SOX6: variants seen among roughly 807,000 people sequenced by gnomAD.
SOX6 encodes transcription factor SOX-6.
SOX6 carries 11 observed loss-of-function variants against 97.8 expected under a neutral mutation model. That is an observed-to-expected ratio of 0.11 (90% CI 0.07 to 0.19). The LOEUF (loss-of-function observed/expected upper bound fraction) is 0.19. Ranked by LOEUF, SOX6 falls within the 10% of genes least tolerant of loss-of-function variation. The pLI is 1.00. For missense variants in SOX6, 810 were observed against 1,039.5 expected (o/e 0.78, Z 3.04); for synonymous variants, 360 against 371.4 (o/e 0.97, Z 0.35).
At chr11:16,010,009 G>C (rs529461956) in intron 13 of SOX6, among the ~76,000 whole-genome samples, 3 of 151,862 alleles carry the variant, frequency 2.0e-5, no homozygotes, top group Non-Finnish European at 4.4e-5. Flanking sequence ...ATATTAAGCG[G>C]TGTGTTTTAA....
At chr11:16,163,099 T>A in intron 6 of SOX6, among the ~76,000 whole-genome samples, 1 of 149,158 alleles carries the variant, frequency 6.7e-6, no homozygotes, top group South Asian at 2.1e-4. Flanking sequence ...CAGATAAGAG[T>A]ATGAAAAAAG....
chr11:16,232,171 T>A (rs1852873487), intron 4 of SOX6, among the ~76,000 whole-genome samples: 1 of 151,772 alleles, frequency 6.6e-6, no homozygotes, highest in South Asian at 2.1e-4. Flanking sequence ...TTCAGGAAAA[T>A]GAGAAGTAAT....
chr11:16,262,073 A>G (rs1032079396), intron 3 of SOX6, among the ~76,000 whole-genome samples: 1 of 152,048 alleles, frequency 6.6e-6, no homozygotes, highest in African/African-American at 2.4e-5. Flanking sequence ...CTTGATGATG[A>G]ACTTGATGTT....
chr11:16,514,943 T>A (rs537259406), intron 4 of SOX6, among the ~76,000 whole-genome samples: 1 of 151,904 alleles, frequency 6.6e-6, no homozygotes, highest in African/African-American at 2.4e-5. Context: ...ATCCAGTCTA[T>A]CATTGTTGGA....
chr11:16,734,194 C>A (rs142219813), intron 2 of SOX6, among the ~76,000 whole-genome samples: 3 of 151,962 alleles, frequency 2.0e-5, no homozygotes, highest in African/African-American at 7.3e-5. Context: ...ATCACAGTAG[C>A]ACTCTGACAA....
intron 3 of SOX6, among the ~76,000 whole-genome samples, chr11:16,269,038 T>A (rs150937918): frequency 8.2e-4 from 121 of 148,278 alleles, no homozygotes; most frequent in African/African-American, 2.9e-3. Flanking sequence ...ATATATTGCT[T>A]TTTTTTTTAA....
intron 6 of SOX6, among the ~76,000 whole-genome samples, chr11:16,118,126 TGC>T (rs1375986924): frequency 6.6e-6 from 1 of 152,242 alleles, no homozygotes; most frequent in African/African-American, 2.4e-5. Flanking sequence ...TTATTTTTAT[TGC>T]TTTGAAAGTA....
At chr11:16,575,828 C>G (rs1847981449) in intron 4 of SOX6, among the ~76,000 whole-genome samples, 1 of 152,144 alleles carries the variant, frequency 6.6e-6, no homozygotes, top group Admixed American at 6.5e-5. Context: ...GGGAAAATAA[C>G]AGTGATTTCA....
intron 6 of SOX6, among the ~76,000 whole-genome samples, chr11:16,120,828 A>G (rs1849471420): frequency 6.6e-6 from 1 of 152,136 alleles, no homozygotes; most frequent in Admixed American, 6.6e-5. Flanking sequence ...TGGTGCTTTA[A>G]GATAACTATT....
intron 4 of SOX6, among the ~76,000 whole-genome samples, chr11:16,198,967 G>A (rs1825160023): frequency 1.3e-5 from 2 of 152,106 alleles, no homozygotes; most frequent in South Asian, 4.1e-4. Flanking sequence ...CTCCTTAAGG[G>A]GAGGATCTGT....
chr11:16,234,307 T>G (rs955337803), intron 4 of SOX6, among the ~76,000 whole-genome samples: 2 of 152,172 alleles, frequency 1.3e-5, no homozygotes, highest in Non-Finnish European at 1.5e-5. Context: ...TCTTTTAACA[T>G]AAGGTTTTTA....
chr11:15,988,873 T>G, intron 14 of SOX6, 124 bp downstream of exon 14: 1 of 931,920 alleles, frequency 1.1e-6, no homozygotes, highest in Non-Finnish European at 1.7e-6. Context: ...TGGCTGACCT[T>G]CGTCTAACTT....
At chr11:16,350,971 C>T (rs970670512) in intron 1 of SOX6, among the ~76,000 whole-genome samples, 1 of 152,068 alleles carries the variant, frequency 6.6e-6, no homozygotes, top group Non-Finnish European at 1.5e-5. Context: ...GAAAATACCA[C>T]TCCATGTTAA....
intron 1 of SOX6, among the ~76,000 whole-genome samples, chr11:16,471,507 T>A (rs1451510962): frequency 6.6e-6 from 1 of 152,222 alleles, no homozygotes; most frequent in Non-Finnish European, 1.5e-5. Context: ...GGTATAACTT[T>A]CTGCCTTAGA....
intron 1 of SOX6, among the ~76,000 whole-genome samples, chr11:16,368,339 A>G (rs1198908658): frequency 2.0e-5 from 3 of 152,146 alleles, no homozygotes; most frequent in Admixed American, 1.3e-4. Flanking sequence ...AATGTTGGCT[A>G]GGCATGGTGG....
chr11:16,177,024 G>C (rs1851206515), intron 6 of SOX6, among the ~76,000 whole-genome samples: 1 of 151,866 alleles, frequency 6.6e-6, no homozygotes, highest in African/African-American at 2.4e-5. Flanking sequence ...ACAAGCAAAA[G>C]TGGAGACTTA....
At chr11:16,684,643 A>T (rs1317569865) in intron 3 of SOX6, among the ~76,000 whole-genome samples, 7 of 152,214 alleles carry the variant, frequency 4.6e-5, no homozygotes. Flanking sequence ...TGACAAGTTG[A>T]TGGGTGCAGC....
At chr11:16,264,689 A>AT (rs34365004) in intron 3 of SOX6, 144,025 of 151,666 alleles carry the variant, frequency 0.95, 68,825 homozygotes, top group East Asian at 1. Flanking sequence ...GCCCTCCAAA[A>AT]TAGAATACCT....
At chr11:16,146,755 CTCA>C (rs1028683240) in intron 6 of SOX6, among the ~76,000 whole-genome samples, 44 of 152,286 alleles carry the variant, frequency 2.9e-4, no homozygotes, top group Admixed American at 2.5e-3. Flanking sequence ...TGAAAAAATG[CTCA>C]TCATCACTGG....
Sources: allele counts gnomAD v4.1 joint callset (sites outside exome capture counted in the v4.1 genomes callset), GRCh38; gene constraint gnomAD v4.1.1; transcripts MANE v1.5; gene names NCBI Gene and HGNC (gene_info 2026-07-23, HGNC 2026-07-21).